CIMIP4: variants seen among roughly 807,000 people sequenced by gnomAD.
The protein encoded by CIMIP4 is ciliary microtubule inner protein 4, also known as protein EAN57.
chr22:37,002,713 C>T, the CIMIP4 span, among the ~76,000 whole-genome samples: 1 of 152,212 alleles, frequency 6.6e-6, no homozygotes, highest in Non-Finnish European at 1.5e-5. Context: ...TTGAAACCTC[C>T]CCCTCACTCT....
chr22:37,007,638 T>C, the CIMIP4 span: 1 of 152,208 alleles, frequency 6.6e-6, no homozygotes, highest in South Asian at 2.1e-4. Flanking sequence ...GTCTAGGCAG[T>C]CTTCACTCAC....
chr22:36,994,747 C>T, the CIMIP4 span, among the ~76,000 whole-genome samples: 1 of 151,746 alleles, frequency 6.6e-6, no homozygotes. Flanking sequence ...TCTCCTGCCT[C>T]AGCCTCCCGA....
At chr22:37,001,879 C>G in the CIMIP4 span, 1 of 1,609,606 alleles carries the variant, frequency 6.2e-7, no homozygotes, top group Admixed American at 1.7e-5. Flanking sequence ...TGCTCCCAAA[C>G]TTGTGGCGAA....
the CIMIP4 span, among the ~76,000 whole-genome samples, chr22:36,996,197 T>C: frequency 1.3e-5 from 2 of 151,786 alleles, no homozygotes; most frequent in Non-Finnish European, 1.5e-5. Flanking sequence ...ATAAAATATA[T>C]ATATAAAGTA....
the CIMIP4 span, chr22:36,991,387 C>T: frequency 3.1e-5 from 49 of 1,560,724 alleles, no homozygotes; most frequent in South Asian, 5.3e-4. Context: ...CCGGCTCTGT[C>T]TCCTGCTCTG....
At chr22:37,002,627 A>C in the CIMIP4 span, among the ~76,000 whole-genome samples, 3 of 152,148 alleles carry the variant, frequency 2.0e-5, no homozygotes, top group Non-Finnish European at 4.4e-5. Context: ...GTGTGACCGC[A>C]AGCAAGGGAC....
At chr22:36,996,306 A>T in the CIMIP4 span, among the ~76,000 whole-genome samples, 17 of 152,260 alleles carry the variant, frequency 1.1e-4, no homozygotes, top group African/African-American at 4.1e-4. Context: ...AATTACTGGA[A>T]TTAATTGGTG....
chr22:37,000,093 A>T, the CIMIP4 span: 1 of 1,381,444 alleles, frequency 7.2e-7, no homozygotes, highest in Non-Finnish European at 9.7e-7. Context: ...CCCCGATCCC[A>T]CCTGTAGCCT....
At chr22:36,995,687 A>G in the CIMIP4 span, among the ~76,000 whole-genome samples, 3 of 152,118 alleles carry the variant, frequency 2.0e-5, no homozygotes, top group Non-Finnish European at 4.4e-5. Flanking sequence ...ATTTCATGAG[A>G]TCTGATGGCT....
chr22:36,995,274 ATG>A, the CIMIP4 span, among the ~76,000 whole-genome samples: 1 of 152,200 alleles, frequency 6.6e-6, no homozygotes, highest in African/African-American at 2.4e-5. Context: ...CAAAGACACA[ATG>A]TCCAGGTGAG....
chr22:36,997,602 T>A, the CIMIP4 span, among the ~76,000 whole-genome samples: 16 of 152,292 alleles, frequency 1.1e-4, no homozygotes, highest in Middle Eastern at 3.4e-3. Flanking sequence ...ATCTGTCCCA[T>A]CTGGAGTTTT....
the CIMIP4 span, chr22:37,004,103 A>C: frequency 0.086 from 117,114 of 1,356,108 alleles, 6,139 homozygotes; most frequent in African/African-American, 0.2. Flanking sequence ...TGGGAGCTGA[A>C]CAGGAAGGCC....
the CIMIP4 span, among the ~76,000 whole-genome samples, chr22:37,002,755 G>C: frequency 1.3e-5 from 2 of 152,312 alleles, no homozygotes; most frequent in East Asian, 3.9e-4. Context: ...AGCGGCACTG[G>C]CAGAGGCGTT....
chr22:36,993,839 C>A, the CIMIP4 span, among the ~76,000 whole-genome samples: 1 of 152,130 alleles, frequency 6.6e-6, no homozygotes, highest in Non-Finnish European at 1.5e-5. Flanking sequence ...TCAATATGAA[C>A]GAATTAAACC....
At chr22:36,999,571 A>G in the CIMIP4 span, among the ~76,000 whole-genome samples, 4 of 4,510 alleles carry the variant, frequency 8.9e-4, no homozygotes, top group Admixed American at 2.9e-3. Context: ...GGGAGGGGGG[A>G]GGGGAGGGGA....
At chr22:36,993,737 AG>A in the CIMIP4 span, among the ~76,000 whole-genome samples, 2 of 152,102 alleles carry the variant, frequency 1.3e-5, no homozygotes, top group Non-Finnish European at 2.9e-5. Context: ...TCAAAAAAAA[AG>A]AAAAGAAAAG....
At chr22:37,006,823 C>CA in the CIMIP4 span, among the ~76,000 whole-genome samples, 1 of 152,052 alleles carries the variant, frequency 6.6e-6, no homozygotes, top group African/African-American at 2.4e-5. Flanking sequence ...TGGAATGTGG[C>CA]AAAAATGAGG....
the CIMIP4 span, chr22:37,001,769 A>G: frequency 7.0e-7 from 1 of 1,421,852 alleles, no homozygotes; most frequent in African/African-American, 1.4e-5. Context: ...CTCTGTACTC[A>G]AGAGTGAGTT....
the CIMIP4 span, chr22:37,004,063 C>T: frequency 6.6e-7 from 1 of 1,514,260 alleles, no homozygotes. Flanking sequence ...TCTCAGATAA[C>T]ACACAGAGTT....
Sources: gnomAD v4.1 joint callset for allele counts (sites outside exome capture counted in the v4.1 genomes callset) on GRCh38, gnomAD v4.1.1 for gene constraint, MANE v1.5 for transcripts, NCBI Gene and HGNC (gene_info 2026-07-23, HGNC 2026-07-21) for gene names.